SENP7: variants seen among roughly 807,000 people sequenced by gnomAD.
SENP7 encodes the protein SUMO specific peptidase 7, also known as sentrin-specific protease 7.
SENP7 carries 64 observed loss-of-function variants against 141.2 expected under a neutral mutation model. The observed-to-expected ratio is 0.45, with a 90% CI of 0.37 to 0.56. The LOEUF is 0.56. Among genes scored for constraint, SENP7 ranks in the 20% least tolerant of loss-of-function variants. The pLI, the probability that SENP7 is intolerant of heterozygous loss-of-function variation, is 0.00. For synonymous variants in SENP7, 382 were observed against 426.4 expected (o/e 0.90, Z 1.28); for missense variants, 1,025 against 1,212.2 (o/e 0.85, Z 2.29).
intron 5 of SENP7, among the ~76,000 whole-genome samples, chr3:101,410,089 G>GA (rs1343638073): frequency 2.6e-5 from 4 of 151,792 alleles, no homozygotes; most frequent in Non-Finnish European, 5.9e-5. Context: ...AAATCAACAA[G>GA]AAAAAAACAA....
intron 4 of SENP7, among the ~76,000 whole-genome samples, chr3:101,456,296 T>G (rs2063349814): frequency 6.6e-6 from 1 of 152,158 alleles, no homozygotes; most frequent in Non-Finnish European, 1.5e-5. Flanking sequence ...ATTACACTAT[T>G]GCCTGTTGGC....
intron 4 of SENP7, among the ~76,000 whole-genome samples, chr3:101,428,484 C>G (rs978560549): frequency 6.6e-6 from 1 of 152,154 alleles, no homozygotes. Context: ...TTGTTGGCTG[C>G]GTAAATGTCT....
intron 6 of SENP7, among the ~76,000 whole-genome samples, chr3:101,390,603 C>A: frequency 6.6e-6 from 1 of 151,898 alleles, no homozygotes; most frequent in East Asian, 1.9e-4. Flanking sequence ...AAATATAAAG[C>A]AAATATTATT....
In SENP7 at chr3:101,330,392, T is replaced by C. The variant is rs552295826; in HGVS notation, c.2699-6A>G. On this transcript the variant is annotated splice_polypyrimidine_tract_variant and splice_region_variant and intron_variant, in intron 19 of 23. Coordinates refer to ENST00000394095, the MANE Select transcript of SENP7 (RefSeq NM_020654.5). The stretch of plus-strand genomic sequence containing the variant: ...AGTAGTACGTAGATCATTATCTAGT[T>C]AGAAATAATTAAGCAGTTATGAGTG... 1 of 1,595,190 alleles carries C rather than the reference T, an allele frequency of 6.3e-7. No individual in the cohort carries two copies. Among genetic ancestry groups the C allele is most frequent in the South Asian group, 1.1e-5 (1 of 89,982 alleles).
intron 4 of SENP7, among the ~76,000 whole-genome samples, chr3:101,429,731 A>G (rs902296388): frequency 6.6e-6 from 1 of 152,154 alleles, no homozygotes; most frequent in African/African-American, 2.4e-5. Flanking sequence ...ACTACGTTGA[A>G]TAGGAGTAGT....
At chr3:101,361,417 A>G (rs2059898653) in intron 11 of SENP7, among the ~76,000 whole-genome samples, 1 of 152,092 alleles carries the variant, frequency 6.6e-6, no homozygotes, top group Non-Finnish European at 1.5e-5. Context: ...TCCAAACTAT[A>G]CCTTGAAAAA....
chr3:101,397,024 G>T (rs986427013), intron 6 of SENP7, among the ~76,000 whole-genome samples: 2 of 151,962 alleles, frequency 1.3e-5, no homozygotes, highest in Admixed American at 1.3e-4. Flanking sequence ...TGTATTTTCG[G>T]TAGAGACAAG....
At chr3:101,369,177 T>G (rs2060116603) in intron 7 of SENP7, among the ~76,000 whole-genome samples, 1 of 152,224 alleles carries the variant, frequency 6.6e-6, no homozygotes, top group Non-Finnish European at 1.5e-5. Context: ...TCCACCTAAT[T>G]GACTAAAAGT....
At chr3:101,327,898 T>C in intron 22 of SENP7, 82 bp from the exon 23 acceptor site, 1 of 1,200,966 alleles carries the variant, frequency 8.3e-7, no homozygotes, top group African/African-American at 1.5e-5. Flanking sequence ...CGGAAAAACA[T>C]TTGTTGCCAG....
chr3:101,365,904 T>G (rs528018609), intron 9 of SENP7, among the ~76,000 whole-genome samples: 1 of 152,302 alleles, frequency 6.6e-6, no homozygotes, highest in South Asian at 2.1e-4. Context: ...CAGTGTATTG[T>G]GCCATCACTC....
intron 23 of SENP7, 39 bp from the exon 24 acceptor site, chr3:101,326,119 C>T (rs1292299233): frequency 6.9e-7 from 1 of 1,455,728 alleles, no homozygotes. Flanking sequence ...ACTTTAGCAG[C>T]ATAATTTCAA....
chr3:101,381,219 T>A (rs866157833), intron 6 of SENP7, among the ~76,000 whole-genome samples: 1 of 152,360 alleles, frequency 6.6e-6, no homozygotes, highest in Middle Eastern at 3.4e-3. Flanking sequence ...TTTAACATTA[T>A]GTTTTTTAAC....
At chr3:101,494,244 TCAGCCC>T (rs2065077486) in intron 2 of SENP7, among the ~76,000 whole-genome samples, 1 of 152,206 alleles carries the variant, frequency 6.6e-6, no homozygotes, top group Non-Finnish European at 1.5e-5. Flanking sequence ...CTTTCAAATG[TCAGCCC>T]CAGAGTTCTC....
intron 4 of SENP7, among the ~76,000 whole-genome samples, chr3:101,450,890 C>T (rs987700797): frequency 6.6e-6 from 1 of 151,422 alleles, no homozygotes; most frequent in East Asian, 1.9e-4. Context: ...AAATAGAGAC[C>T]CAAAAAACCC....
intron 2 of SENP7, among the ~76,000 whole-genome samples, chr3:101,498,134 T>C (rs532373715): frequency 6.6e-6 from 1 of 152,280 alleles, no homozygotes; most frequent in South Asian, 2.1e-4. Flanking sequence ...CTATAATGAA[T>C]GGGCAAAAGA....
chr3:101,351,924 TA>T (rs1484089376), intron 11 of SENP7, among the ~76,000 whole-genome samples: 2 of 151,944 alleles, frequency 1.3e-5, no homozygotes, highest in African/African-American at 4.8e-5. Context: ...TCTGAAAATG[TA>T]AAGACTAAGA....
intron 6 of SENP7, among the ~76,000 whole-genome samples, chr3:101,390,184 C>CA (rs2060772572): frequency 7.2e-6 from 1 of 139,798 alleles, no homozygotes; most frequent in Non-Finnish European, 1.5e-5. Flanking sequence ...TGTGCCACTG[C>CA]ACTCTAGCTT....
chr3:101,457,567 T>G (rs1303523064), intron 4 of SENP7: 2 of 1,597,188 alleles, frequency 1.3e-6, no homozygotes, highest in African/African-American at 2.7e-5. Context: ...CCAAAGATAT[T>G]GTTTACCCCT....
At chr3:101,501,174 A>AC in intron 1 of SENP7, 55 bp from the exon 2 acceptor site, 1 of 1,169,964 alleles carries the variant, frequency 8.5e-7, no homozygotes, top group Non-Finnish European at 1.3e-6. Flanking sequence ...AATGAGATAA[A>AC]CAGTTTGACA....
Sources: allele counts gnomAD v4.1 joint callset (sites outside exome capture counted in the v4.1 genomes callset), GRCh38; gene constraint gnomAD v4.1.1; transcripts MANE v1.5; gene names NCBI Gene and HGNC (gene_info 2026-07-23, HGNC 2026-07-21).